Variants in SGCZ observed in about 807,000 individuals in gnomAD.
SGCZ encodes the protein sarcoglycan zeta, also known as zeta-sarcoglycan.
Under a neutral mutation model 41.3 loss-of-function variants are expected in SGCZ, and 40 were observed. The ratio of observed to expected loss-of-function variants is 0.97; its 90% CI spans 0.75 to 1.26. SGCZ has a LOEUF of 1.26. Among genes scored for constraint, SGCZ ranks in the 50% most tolerant of loss-of-function variants. The pLI is 0.00. For missense variants in SGCZ, 552 were observed against 369.8 expected (o/e 1.49, Z -4.04); for synonymous variants, 206 against 137.5 (o/e 1.50, Z -3.49).
At chr8:14,768,482 T>C (rs1800116360) in intron 1 of SGCZ, among the ~76,000 whole-genome samples, 1 of 152,240 alleles carries the variant, frequency 6.6e-6, no homozygotes, top group African/African-American at 2.4e-5. Context: ...ACAAATTTAC[T>C]TAAAATATTT....
chr8:14,779,048 G>A (rs1800501409), intron 1 of SGCZ, among the ~76,000 whole-genome samples: 1 of 152,148 alleles, frequency 6.6e-6, no homozygotes, highest in Non-Finnish European at 1.5e-5. Context: ...GTTAACAACA[G>A]CAAAAAGCTA....
chr8:14,260,185 G>A lies in SGCZ; in HGVS notation c.337-22506C>T, dbSNP rs987520181. ...ACCTACAGAATGGGAGAAAATTTTC[G>A]CAACCTACTCATCTGACAAAGGGCT... On this transcript the variant is annotated intron_variant, in intron 3 of 7. Coordinates refer to ENST00000382080, the MANE Select transcript of SGCZ (RefSeq NM_139167.4). Among the ~76,000 whole-genome samples the A allele has an allele frequency of 7.9e-4, 120 of 151,988 alleles. 3 individuals are homozygous for A. Among genetic ancestry groups the A allele is most frequent in the East Asian group, 2.3e-3 (12 of 5,164 alleles).
At position 14,778,264 on chromosome 8, in the gene SGCZ, A is replaced by G. The variant is rs555283087; in HGVS notation, c.40-223338T>C. ...GTTAACACAGGCTTTTGGGGCCTTC[A>G]GGAGTACAGAATTAAGGTGAAAAAC... is the stretch of plus-strand genomic sequence containing the variant. On this transcript the variant is annotated intron_variant, in intron 1 of 7. Coordinates refer to ENST00000382080, the MANE Select transcript of SGCZ (RefSeq NM_139167.4). 2.4e-3 allele frequency among the ~76,000 whole-genome samples: 366 copies of G among 152,288 alleles called. 3 individuals are homozygous for G. Among genetic ancestry groups the G allele is most frequent in the African/African-American group, 8.4e-3 (348 of 41,564 alleles).
At chr8:15,207,766 C>G (rs1445957425) in intron 1 of SGCZ, among the ~76,000 whole-genome samples, 2 of 152,004 alleles carry the variant, frequency 1.3e-5, no homozygotes, top group African/African-American at 4.8e-5. Flanking sequence ...GCTTAAGAAA[C>G]CAGAGCTTTT....
intron 2 of SGCZ, among the ~76,000 whole-genome samples, chr8:14,540,238 T>G (rs1318375985): frequency 2.0e-5 from 3 of 148,480 alleles, no homozygotes; most frequent in Non-Finnish European, 4.5e-5. Flanking sequence ...TTTTTTTTTT[T>G]TTTTTTTTTT....
intron 2 of SGCZ, among the ~76,000 whole-genome samples, chr8:14,428,936 G>C (rs761967260): frequency 9.8e-5 from 15 of 152,288 alleles, no homozygotes; most frequent in Non-Finnish European, 1.8e-4. Context: ...AATTAGTATA[G>C]AAATATGGCC....
intron 2 of SGCZ, among the ~76,000 whole-genome samples, chr8:14,508,631 G>A (rs932230195): frequency 2.0e-5 from 3 of 152,154 alleles, no homozygotes; most frequent in East Asian, 1.9e-4. Context: ...TTTCCCCATC[G>A]GTGGCATTCC....
chr8:14,790,443 A>G (rs529267033), intron 1 of SGCZ, among the ~76,000 whole-genome samples: 2 of 152,300 alleles, frequency 1.3e-5, no homozygotes, highest in Non-Finnish European at 2.9e-5. Context: ...AAATTTGGCA[A>G]TATGTATCAA....
chr8:15,189,188 AT>A (rs1222251500), intron 1 of SGCZ, among the ~76,000 whole-genome samples: 1 of 152,180 alleles, frequency 6.6e-6, no homozygotes, highest in Admixed American at 6.5e-5. Context: ...TATATGATGG[AT>A]GTTCCAGGTC....
intron 4 of SGCZ, among the ~76,000 whole-genome samples, chr8:14,181,051 C>A (rs995209766): frequency 6.6e-6 from 1 of 152,136 alleles, no homozygotes; most frequent in Non-Finnish European, 1.5e-5. Context: ...GGCTATTATG[C>A]CCCCTCCTAG....
chr8:14,772,865 G>A (rs990431710), intron 1 of SGCZ, among the ~76,000 whole-genome samples: 1 of 151,946 alleles, frequency 6.6e-6, no homozygotes, highest in Admixed American at 6.6e-5. Flanking sequence ...CTTTGCTGTT[G>A]TGAATAGTGC....
At position 14,821,646 on chromosome 8, in the gene SGCZ, A is replaced by C. The variant is rs551069242; in HGVS notation, c.40-266720T>G. On this transcript the variant is annotated intron_variant, in intron 1 of 7. Coordinates refer to ENST00000382080, the MANE Select transcript of SGCZ (RefSeq NM_139167.4). ...TCAGGCGAACCTGATTCTATGATGC[A>C]AGAATGTCTTAACATACCCAAATCA... Among the ~76,000 whole-genome samples, 45 of 152,274 alleles carry C rather than the reference A, an allele frequency of 3.0e-4. 1 individual carries two copies. Among genetic ancestry groups the C allele is most frequent in the African/African-American group, 9.6e-4 (40 of 41,590 alleles).
chr8:15,142,957 T>C (rs1308160728), intron 1 of SGCZ, among the ~76,000 whole-genome samples: 1 of 152,168 alleles, frequency 6.6e-6, no homozygotes, highest in Non-Finnish European at 1.5e-5. Flanking sequence ...ATTTTTATGG[T>C]ACACTGAAAA....
At chr8:14,412,734 C>A (rs1336532646) in intron 2 of SGCZ, among the ~76,000 whole-genome samples, 1 of 151,912 alleles carries the variant, frequency 6.6e-6, no homozygotes, top group Non-Finnish European at 1.5e-5. Flanking sequence ...GCACAATATG[C>A]ATATTAAAAA....
intron 1 of SGCZ, among the ~76,000 whole-genome samples, chr8:15,173,831 T>C (rs1167417729): frequency 6.6e-6 from 1 of 152,148 alleles, no homozygotes; most frequent in Non-Finnish European, 1.5e-5. Flanking sequence ...CTTTGACCTC[T>C]AGGGCTCAAG....
intron 1 of SGCZ, among the ~76,000 whole-genome samples, chr8:14,858,417 G>C (rs909069266): frequency 2.0e-4 from 30 of 152,074 alleles, no homozygotes; most frequent in Non-Finnish European, 1.9e-4. Flanking sequence ...CAATTGTAGT[G>C]TGACAATTAT....
intron 1 of SGCZ, among the ~76,000 whole-genome samples, chr8:14,910,878 A>G (rs1031391856): frequency 3.3e-5 from 5 of 152,012 alleles, no homozygotes; most frequent in Non-Finnish European, 7.4e-5. Flanking sequence ...AGTTGAATAC[A>G]TCCTAGAAGA....
chr8:14,728,365 C>T (rs547249442), intron 1 of SGCZ, among the ~76,000 whole-genome samples: 1 of 132,434 alleles, frequency 7.6e-6, no homozygotes, highest in Admixed American at 7.8e-5. Flanking sequence ...AAAGTAGAAC[C>T]AAAAGAGTGG....
chr8:14,498,053 C>T (rs1194553969), intron 2 of SGCZ, among the ~76,000 whole-genome samples: 1 of 152,144 alleles, frequency 6.6e-6, no homozygotes, highest in Non-Finnish European at 1.5e-5. Context: ...TGCACATTGG[C>T]ATTTGTCAGA....
Sources: gnomAD v4.1 joint callset for allele counts (sites outside exome capture counted in the v4.1 genomes callset) on GRCh38, gnomAD v4.1.1 for gene constraint, MANE v1.5 for transcripts, NCBI Gene and HGNC (gene_info 2026-07-23, HGNC 2026-07-21) for gene names.